The following ZNF205 variants were observed in gnomAD, a reference collection of about 807,000 sequenced individuals.
ZNF205 encodes the protein zinc finger protein 205, also known as transcriptional repressor RHIT.
A neutral mutation model predicts 53.6 loss-of-function variants in ZNF205; 32 were observed. That is an observed-to-expected ratio of 0.60 (90% confidence interval 0.45 to 0.80). The LOEUF is 0.80. Among genes scored for constraint, ZNF205 ranks in the 30% least tolerant of loss-of-function variants. The pLI, the probability that ZNF205 is intolerant of heterozygous loss-of-function variation, is 0.00. For missense variants in ZNF205, 836 were observed against 782.4 expected (o/e 1.07, Z -0.82); for synonymous variants, 382 against 334.3 (o/e 1.14, Z -1.56).
Position 3,119,560 on chromosome 16 carries a change from C to G in ZNF205, c.900C>G (p.Asp300Glu). ...GTGGCGAGGAGGGCCTGGCCCCTGA[C>G]AGTGAGGTGGGCAGGAAGAGCTACC... is the stretch of plus-strand genomic sequence containing the variant. ...PESGEEGLAP[D>E]SEVGRKSYRC... Residue 300 changes from aspartate (D) to glutamate (E), a missense_variant, in exon 7 of 7, where the codon GAC becomes GAG. Transcript: ENST00000219091. 6.2e-7 allele frequency: 1 copy of G among 1,608,314 alleles called. No homozygotes were observed. Among genetic ancestry groups the G allele is most frequent in the Non-Finnish European group, 8.5e-7 (1 of 1,177,810 alleles).
chr16:3,113,309 T>C, intron 1 of ZNF205, 108 bp from the exon 2 acceptor site: 1 of 989,510 alleles, frequency 1.0e-6, no homozygotes, highest in East Asian at 2.7e-5. Flanking sequence ...TCTTTGGGGG[T>C]GTCCAGGAAG....
Position 3,119,304 on chromosome 16 carries a change from T to C in ZNF205, c.644T>C (p.Leu215Pro). 6.2e-7 allele frequency: 1 copy of C among 1,611,040 alleles called. No homozygotes were observed. ...QRVQTSSVAA[L>P]GNVKPFRTRA... ...GTGCAGACCTCATCCGTGGCAGCCC[T>C]TGGGAATGTGAAGCCCTTCAGAACC... is the stretch of plus-strand genomic sequence containing the variant. The change falls in exon 7 of 7, where the codon CTT becomes CCT. Residue 215 changes from leucine to proline, a missense_variant. Leu to Pro is a moderately conservative substitution (Grantham distance 98). Transcript: ENST00000219091.
chr16:3,115,692 C>T (rs1040941621), intron 3 of ZNF205, 124 bp downstream of exon 3: 1 of 1,377,724 alleles, frequency 7.3e-7, no homozygotes, highest in South Asian at 1.5e-5. Context: ...CCCCCCATGG[C>T]CCACAGCCCC....
Position 3,120,503 on chromosome 16 carries a change from G to C in ZNF205, c.*178G>C, listed in dbSNP as rs1957416119. 1 of 794,926 alleles carries C rather than the reference G, an allele frequency of 1.3e-6. No individual in the cohort carries two copies. Among genetic ancestry groups the C allele is most frequent in the African/African-American group, 1.7e-5 (1 of 57,432 alleles). 49.2% of individuals were successfully genotyped at this position (794,926 alleles called of 1,614,324 possible). On this transcript the variant is annotated 3_prime_UTR_variant, in exon 7 of 7. Transcript: ENST00000219091. ...AAGGGCAGGCACTCTGCGAATTAAAGGCCTTGGACTTGAAGCGCCCGCCTA... is the reference window on the plus strand; with the variant it reads ...AAGGGCAGGCACTCTGCGAATTAAACGCCTTGGACTTGAAGCGCCCGCCTA...
Position 3,112,593 on chromosome 16 carries a change from TC to T in ZNF205, c.-99del. ...TCCCTACTCCCAGTCTCCACCCAAC[TC>T]CCCCGCCCGCCCCGTGCAGGCTGTG... On this transcript the variant is annotated 5_prime_UTR_variant, in exon 1 of 7. Coordinates refer to ENST00000219091, the MANE Select transcript of ZNF205 (RefSeq NM_001042428.2). 3.0e-6 allele frequency: 1 copy of T among 335,434 alleles called. No individual in the cohort carries two copies. Among genetic ancestry groups the T allele is most frequent in the African/African-American group, 2.2e-5 (1 of 46,316 alleles). The allele number at this position is 335,434 out of a possible 1,614,324, so 20.8% of individuals were successfully genotyped here. A position where few individuals can be genotyped will look rare whatever the true frequency, so the allele number is the denominator to read the frequency against.
rs1327080241 is a variant in ZNF205 at position 3,119,578 on chromosome 16, G to A, written c.918G>A (p.Lys306=). The change falls in exon 7 of 7, where the codon AAG becomes AAA. Residue 306 remains lysine, a synonymous_variant. Coordinates refer to ENST00000219091, the MANE Select transcript of ZNF205 (RefSeq NM_001042428.2). The stretch of plus-strand genomic sequence containing the variant: ...CCCCTGACAGTGAGGTGGGCAGGAA[G>A]AGCTACCGGTGCGAGCAGTGCGGCA... ...GLAPDSEVGR[K]SYRCEQCGKG... 2 of 1,608,826 alleles carry A rather than the reference G, an allele frequency of 1.2e-6. No individual in the cohort carries two copies. Among genetic ancestry groups the A allele is most frequent in the South Asian group, 1.1e-5 (1 of 90,576 alleles).
At chr16:3,117,705 T>G (rs9924928) in intron 5 of ZNF205, among the ~76,000 whole-genome samples, 59,759 of 151,730 alleles carry the variant, frequency 0.39, 11,964 homozygotes, top group South Asian at 0.44. Flanking sequence ...CTCCTGCTTT[T>G]GCCTCCCAAA....
chr16:3,115,120 C>T (rs977094596), intron 2 of ZNF205: 3 of 361,684 alleles, frequency 8.3e-6, no homozygotes, highest in Admixed American at 4.7e-5. Flanking sequence ...GAGGCTGGAG[C>T]TGAGAAGGGG....
At chr16:3,116,218 TC>T (rs1203971040) in intron 4 of ZNF205, 1 of 710,424 alleles carries the variant, frequency 1.4e-6, no homozygotes, top group Admixed American at 2.9e-5. Context: ...TTAACTGTGA[TC>T]CCTGAAAATA....
In ZNF205 at chr16:3,119,393, T is replaced by C. The variant is rs769193143; in HGVS notation, c.733T>C (p.Ser245Pro). ...GCAGGAAGCAGCCTGCGGCCGGAGC[T>C]CAGGGCCGGCCAAAGACTCCGGGCA... ...CAQEAACGRS[S>P]GPAKDSGQPA... Residue 245 changes from serine (S) to proline (P), a missense_variant, in exon 7 of 7, where the codon TCA (serine) becomes CCA (proline). Ser to Pro is a moderately conservative substitution (Grantham distance 74, BLOSUM62 -1). Transcript: ENST00000219091. 1 of 1,610,756 alleles carries C rather than the reference T, an allele frequency of 6.2e-7. No individual in the cohort carries two copies.
At position 3,120,280 on chromosome 16, in the gene ZNF205, G is replaced by T. The variant is rs150972953; in HGVS notation, c.1620G>T (p.Ala540=). ...PKALAMLMLG[A]AAAGALATPP... ...CCCTGGCCATGCTGATGCTGGGGGC[G>T]GCGGCGGCGGGGGCTCTGGCCACAC... is the stretch of plus-strand genomic sequence containing the variant. The change falls in exon 7 of 7, where the codon GCG becomes GCT. Residue 540 remains alanine (A), a synonymous_variant. Transcript: ENST00000219091. 2.5e-6 allele frequency: 4 copies of T among 1,594,082 alleles called. No individual in the cohort carries two copies. In the African/African-American group the frequency reaches 5.4e-5, roughly 21 times the overall value.
intron 1 of ZNF205, 28 bp from the exon 2 acceptor site, chr16:3,113,389 G>A (rs1957295807): frequency 1.2e-6 from 2 of 1,608,778 alleles, no homozygotes; most frequent in African/African-American, 1.3e-5. Flanking sequence ...CCAAAAAGAG[G>A]GAGAAACAAC....
rs1479372854 is a variant in ZNF205, at chr16:3,113,506, G to A, written c.57+19G>A. The A allele has an allele frequency of 6.2e-6, 10 of 1,612,426 alleles. No homozygotes were observed. Among genetic ancestry groups the A allele is most frequent in the South Asian group, 1.1e-5 (1 of 90,844 alleles). ...CCCGGAGGTACAGATGGGGCTGGCTGAGGGAGGTGTGCGGTAGAAGAGGCT... is the reference window on the plus strand; with the variant it reads ...CCCGGAGGTACAGATGGGGCTGGCTAAGGGAGGTGTGCGGTAGAAGAGGCT... On this transcript the variant is annotated intron_variant, in intron 2 of 6. Coordinates refer to ENST00000219091, the MANE Select transcript of ZNF205 (RefSeq NM_001042428.2).
At chr16:3,113,632 C>G in intron 2 of ZNF205, 145 bp downstream of exon 2, 1 of 845,438 alleles carries the variant, frequency 1.2e-6, no homozygotes, top group Non-Finnish European at 1.8e-6. Flanking sequence ...TGGGTAGTAC[C>G]CTCTGTCTGG....
chr16:3,117,872 G>A (rs1298594931), intron 5 of ZNF205, among the ~76,000 whole-genome samples: 2 of 133,730 alleles, frequency 1.5e-5, no homozygotes, highest in Non-Finnish European at 3.2e-5. Context: ...TTTTTGAGAC[G>A]GAGTCTTGCT....
At chr16:3,115,629 T>A in intron 3 of ZNF205, 61 bp downstream of exon 3, 4 of 1,507,838 alleles carry the variant, frequency 2.7e-6, no homozygotes, top group Non-Finnish European at 3.5e-6. Context: ...AGGTGGAGGT[T>A]TGGCCCAGGT....
Position 3,113,404 on chromosome 16 carries a change from C to A in ZNF205, c.-14-13C>A, listed in dbSNP as rs772997737. The A allele has an allele frequency of 6.2e-7, 1 of 1,611,932 alleles. No homozygotes were observed. The highest frequency in any genetic ancestry group is 2.2e-5 in the East Asian group (1 of 44,720). On this transcript the variant is annotated splice_polypyrimidine_tract_variant and intron_variant, in intron 1 of 6. Transcript: ENST00000219091. ...CCAAAAAGAGGGAGAAACAACTCAG[C>A]TGTTCTTTCTAGCTCTGAAATAGAA... is the stretch of plus-strand genomic sequence containing the variant.
rs1193904847 is a variant in ZNF205, at chr16:3,115,423, C to T, written c.126C>T (p.Asp42=). ...TGGGGGAGGCGGTACCTTCAGGGGA[C>T]ACTCAGGAGTCACTGCACATTAAGA... ...SKLGEAVPSG[D]TQESLHIKME... Residue 42 remains aspartate, a synonymous_variant, in exon 3 of 7, where the codon GAC becomes GAT. Coordinates refer to ENST00000219091, the MANE Select transcript of ZNF205 (RefSeq NM_001042428.2). 15 of 1,611,746 alleles carry T rather than the reference C, an allele frequency of 9.3e-6. No homozygotes were observed. The highest frequency in any genetic ancestry group is 1.7e-5 in the Admixed American group (1 of 59,720).
rs564191583 is a variant in ZNF205 at position 3,113,204 on chromosome 16, A to T, written c.-14-213A>T. ...ATTCTTTCAAAAATAGGACCCAGAA[A>T]ACATCACAGAGAGTGGGACCATCGG... is the stretch of plus-strand genomic sequence containing the variant. On this transcript the variant is annotated intron_variant, in intron 1 of 6. Coordinates refer to ENST00000219091, the MANE Select transcript of ZNF205 (RefSeq NM_001042428.2). 19 of 505,006 alleles carry T rather than the reference A, an allele frequency of 3.8e-5. No homozygotes were observed. The South Asian group carries it at 4.9e-4, about 13-fold the overall frequency. The allele number at this position is 505,006 out of a possible 1,614,324, so 31.3% of individuals were successfully genotyped here. A position where few individuals can be genotyped will look rare whatever the true frequency, so the allele number is the denominator to read the frequency against.
Sources: gnomAD v4.1 joint callset for allele counts (sites outside exome capture counted in the v4.1 genomes callset) on GRCh38, gnomAD v4.1.1 for gene constraint, MANE v1.5 for transcripts, NCBI Gene and HGNC (gene_info 2026-07-23, HGNC 2026-07-21) for gene names.